FRYL: variants seen among roughly 807,000 people sequenced by gnomAD.
FRYL encodes the protein protein furry homolog-like.
In FRYL, 150 loss-of-function variants were observed where a neutral mutation model predicts 351.2. The ratio of observed to expected loss-of-function variants is 0.43; its 90% confidence interval spans 0.37 to 0.49. The LOEUF is 0.49. Among genes scored for constraint, FRYL ranks in the 20% least tolerant of loss-of-function variants. The pLI is 0.00. For missense variants in FRYL, 3,036 were observed against 3,619.3 expected, an observed-to-expected ratio of 0.84 and a Z score of 4.13; for synonymous variants, 1,153 against 1,257.1, an observed-to-expected ratio of 0.92 and a Z score of 1.75.
chr4:48,661,167 T>C (rs911044461), intron 3 of FRYL, among the ~76,000 whole-genome samples: 9 of 152,360 alleles, frequency 5.9e-5, no homozygotes, highest in African/African-American at 1.9e-4. Flanking sequence ...GCAACTTTTC[T>C]ATAAATCTAA....
intron 3 of FRYL, among the ~76,000 whole-genome samples, chr4:48,657,549 C>T (rs931573241): frequency 5.3e-5 from 8 of 152,058 alleles, no homozygotes; most frequent in Non-Finnish European, 1.0e-4. Flanking sequence ...AAAAGACAAG[C>T]AATGCCAATT....
chr4:48,656,384 A>ATATAATATATACTAAATATATT (rs1560799883), intron 3 of FRYL, among the ~76,000 whole-genome samples: 17 of 7,732 alleles, frequency 2.2e-3, no homozygotes, highest in Middle Eastern at 0.062. Flanking sequence ...CTAAATATAT[A>ATATAATATATACTAAATATATT]ATATATAATT....
chr4:48,697,574 G>A (rs1019294171), intron 2 of FRYL, among the ~76,000 whole-genome samples: 20 of 152,062 alleles, frequency 1.3e-4, no homozygotes, highest in African/African-American at 4.6e-4. Flanking sequence ...CTGCCTCCTG[G>A]GTTCAAGCAA....
intron 1 of FRYL, among the ~76,000 whole-genome samples, chr4:48,736,080 A>C (rs1771366246): frequency 6.6e-6 from 1 of 152,100 alleles, no homozygotes; most frequent in Admixed American, 6.5e-5. Context: ...GAAAAATCCC[A>C]AAATACTTGG....
intron 16 of FRYL, among the ~76,000 whole-genome samples, chr4:48,591,339 A>G (rs770845952): frequency 1.3e-5 from 2 of 152,180 alleles, no homozygotes; most frequent in Non-Finnish European, 2.9e-5. Flanking sequence ...AGCACCAATT[A>G]CATACACGTT....
rs80148666 is a variant in FRYL, at chr4:48,751,402, A to G, written c.-384+28676T>C. On this transcript the variant is annotated intron_variant, in intron 1 of 63. Transcript: ENST00000358350. Reference sequence around the variant, plus strand: ...GAGAGCACTGTCTGAAAAATTTCCAAAGTAAAATAATTTGGCTTAAACTTA... The same window carrying G: ...GAGAGCACTGTCTGAAAAATTTCCAGAGTAAAATAATTTGGCTTAAACTTA... Among the ~76,000 whole-genome samples, 830 of 152,336 alleles carry G rather than the reference A, an allele frequency of 5.4e-3. 12 individuals are homozygous for G. Among genetic ancestry groups the G allele is most frequent in the East Asian group, 0.044 (226 of 5,182 alleles).
In FRYL at chr4:48,562,876, CAT is replaced by C. The variant is rs768534502; in HGVS notation, c.3696+11_3696+12del. 1.3e-5 allele frequency: 18 copies of C among 1,430,088 alleles called. No homozygotes were observed. Among genetic ancestry groups the C allele is most frequent in the Admixed American group, 9.2e-5 (5 of 54,562 alleles). 88.6% of individuals were successfully genotyped at this position (1,430,088 alleles called of 1,614,324 possible). A position where few individuals can be genotyped will look rare whatever the true frequency, so the allele number is the denominator to read the frequency against. ...CTGAGTAAAAAAATATTTAAATTCA[CAT>C]GTTTACAAACCTGTAAAAGTTGCAT... On this transcript the variant is annotated intron_variant, in intron 32 of 63. Coordinates refer to ENST00000358350, the MANE Select transcript of FRYL (RefSeq NM_015030.2).
intron 59 of FRYL, among the ~76,000 whole-genome samples, chr4:48,508,724 G>A (rs1291318813): frequency 6.6e-6 from 1 of 152,096 alleles, no homozygotes; most frequent in African/African-American, 2.4e-5. Flanking sequence ...TCAATGGAAC[G>A]CCTCTGTTCT....
chr4:48,502,806 T>C (rs754081543), intron 61 of FRYL, 22 bp downstream of exon 61: 4 of 1,600,492 alleles, frequency 2.5e-6, no homozygotes, highest in Middle Eastern at 1.7e-4. Flanking sequence ...GAGTAGTCTA[T>C]AAATCAAGAC....
Position 48,549,385 on chromosome 4 carries a change from A to C in FRYL, c.4784+88T>G. 1 of 1,205,992 alleles carries C rather than the reference A, an allele frequency of 8.3e-7. No individual in the cohort carries two copies. Among genetic ancestry groups the C allele is most frequent in the African/African-American group, 1.5e-5 (1 of 66,012 alleles). The allele number at this position is 1,205,992 out of a possible 1,614,324, so 74.7% of individuals were successfully genotyped here. A position where few individuals can be genotyped will look rare whatever the true frequency, so the allele number is the denominator to read the frequency against. On this transcript the variant is annotated intron_variant, in intron 39 of 63. Coordinates refer to ENST00000358350, the MANE Select transcript of FRYL (RefSeq NM_015030.2). The surrounding 1 kb of genome is among the most constrained non-coding windows in gnomAD (Gnocchi z 4.2). ...TATCTCCATAAAGAAGATTGCTTTC[A>C]TTCTGTGTTGTCAGATAGCACAAAG...
intron 3 of FRYL, among the ~76,000 whole-genome samples, chr4:48,662,659 C>T (rs921281609): frequency 5.3e-5 from 8 of 150,228 alleles, no homozygotes; most frequent in Admixed American, 1.3e-4. Context: ...AGCACAGTGG[C>T]GCGTGCATGT....
In FRYL at chr4:48,517,954, T is replaced by C. The variant is rs528697768; in HGVS notation, c.7690-2679A>G. On this transcript the variant is annotated intron_variant, in intron 55 of 63. Transcript: ENST00000358350. The stretch of plus-strand genomic sequence containing the variant: ...TATCTTGGTGCTTTTCTACTTTTTC[T>C]TTTGGTACAAGAGGCAATTTTGGGT... Among the ~76,000 whole-genome samples the C allele has an allele frequency of 3.4e-4, 52 of 152,342 alleles. 1 individual carries two copies. The South Asian group carries it at 6.6e-3, about 19-fold the overall frequency.
At chr4:48,707,764 A>G (rs1767523866) in intron 2 of FRYL, among the ~76,000 whole-genome samples, 1 of 152,096 alleles carries the variant, frequency 6.6e-6, no homozygotes, top group Admixed American at 6.5e-5. Context: ...GACTTTAGCT[A>G]CCTGCCAAAG....
chr4:48,507,703 A>T (rs1424190932), intron 59 of FRYL, among the ~76,000 whole-genome samples: 1 of 151,772 alleles, frequency 6.6e-6, no homozygotes, highest in East Asian at 1.9e-4. Context: ...ACAGTTTTCA[A>T]AGATAGATAG....
chr4:48,652,316 T>A (rs1578535189), intron 3 of FRYL, among the ~76,000 whole-genome samples: 1 of 152,330 alleles, frequency 6.6e-6, no homozygotes, highest in East Asian at 1.9e-4. Context: ...TTACTATTTT[T>A]AAAAAAGTAC....
chr4:48,581,750 T>C, intron 20 of FRYL, 145 bp from the exon 21 acceptor site: 1 of 640,440 alleles, frequency 1.6e-6, no homozygotes, highest in Non-Finnish European at 2.6e-6. Context: ...ATGTATTTTA[T>C]AAAAATGGAA....
At chr4:48,728,085 T>C (rs774071009) in intron 1 of FRYL, among the ~76,000 whole-genome samples, 1 of 152,094 alleles carries the variant, frequency 6.6e-6, no homozygotes, top group East Asian at 1.9e-4. Flanking sequence ...GTACATCATG[T>C]CCAGCTACAA....
intron 17 of FRYL, among the ~76,000 whole-genome samples, chr4:48,590,445 T>C (rs1345618100): frequency 2.6e-5 from 4 of 152,028 alleles, no homozygotes; most frequent in Non-Finnish European, 4.4e-5. Flanking sequence ...GACTGCACCA[T>C]GCCCTCCAGC....
intron 16 of FRYL, among the ~76,000 whole-genome samples, chr4:48,591,496 G>T (rs1743225228): frequency 6.6e-6 from 1 of 152,056 alleles, no homozygotes; most frequent in Non-Finnish European, 1.5e-5. Context: ...TCAAAACAGT[G>T]GGCCTATTTA....
Sources: gnomAD v4.1 joint callset for allele counts (sites outside exome capture counted in the v4.1 genomes callset) on GRCh38, gnomAD v4.1.1 for gene constraint, Gnocchi (gnomAD v3.1) non-coding constraint, MANE v1.5 for transcripts, NCBI Gene and HGNC (gene_info 2026-07-23, HGNC 2026-07-21) for gene names.